The following RASGEF1C variants were observed in gnomAD, a reference collection of about 807,000 sequenced individuals.
RASGEF1C encodes the protein ras-GEF domain-containing family member 1C.
In RASGEF1C, 27 loss-of-function variants were observed where a neutral mutation model predicts 58.1. The observed-to-expected ratio is 0.46, with a 90% CI of 0.34 to 0.64. The LOEUF is 0.64. Among genes scored for constraint, RASGEF1C ranks in the 30% least tolerant of loss-of-function variants. The pLI, the probability that RASGEF1C is intolerant of heterozygous loss-of-function variation, is 0.01. For missense variants in RASGEF1C, 502 were observed against 605.1 expected (o/e 0.83, Z 1.79); for synonymous variants, 243 against 246.3 (o/e 0.99, Z 0.13).
intron 4 of RASGEF1C, 131 bp downstream of exon 4, chr5:180,136,247 A>G (rs1766469177): frequency 1.0e-6 from 1 of 959,676 alleles, no homozygotes; most frequent in Non-Finnish European, 1.5e-6. Flanking sequence ...ATAGGCCAGA[A>G]AGCGGCTGGA....
At chr5:180,195,784 A>G (rs1346433160) in intron 1 of RASGEF1C, among the ~76,000 whole-genome samples, 2 of 152,024 alleles carry the variant, frequency 1.3e-5, no homozygotes, top group South Asian at 2.1e-4. Context: ...AAAAAAAAAA[A>G]AAGAAAAGCA....
chr5:180,116,260 G>C (rs923129131), intron 10 of RASGEF1C, among the ~76,000 whole-genome samples: 3 of 151,968 alleles, frequency 2.0e-5, no homozygotes, highest in Admixed American at 1.3e-4. Context: ...TTACAGCCCC[G>C]GTCAGCTTGG....
intron 1 of RASGEF1C, among the ~76,000 whole-genome samples, chr5:180,153,565 G>T (rs149594199): frequency 6.6e-6 from 1 of 152,142 alleles, no homozygotes; most frequent in African/African-American, 2.4e-5. Flanking sequence ...CTACTCCACC[G>T]TCTTCCCTGA....
At chr5:180,170,929 G>A (rs1767099025) in intron 1 of RASGEF1C, among the ~76,000 whole-genome samples, 1 of 152,212 alleles carries the variant, frequency 6.6e-6, no homozygotes, top group East Asian at 1.9e-4. Flanking sequence ...CTTGCCCTGG[G>A]GGCCTTTCCC....
chr5:180,129,654 C>T (rs569995855), intron 4 of RASGEF1C, among the ~76,000 whole-genome samples: 1 of 152,318 alleles, frequency 6.6e-6, no homozygotes, highest in Admixed American at 6.5e-5. Flanking sequence ...CTGATGATGC[C>T]GACTGCCACC....
chr5:180,186,201 G>T (rs150665757), intron 1 of RASGEF1C, among the ~76,000 whole-genome samples: 1 of 149,910 alleles, frequency 6.7e-6, no homozygotes, highest in East Asian at 2.0e-4. Context: ...GCAAGAAGAA[G>T]AAATAAATGG....
intron 1 of RASGEF1C, among the ~76,000 whole-genome samples, chr5:180,185,216 C>T (rs533007274): frequency 6.6e-5 from 10 of 151,904 alleles, no homozygotes; most frequent in African/African-American, 2.2e-4. Context: ...GGTGTGAACC[C>T]GGGAGGCAGA....
chr5:180,170,307 C>T (rs998833688), intron 1 of RASGEF1C, among the ~76,000 whole-genome samples: 2 of 152,122 alleles, frequency 1.3e-5, no homozygotes, highest in Admixed American at 1.3e-4. Flanking sequence ...CCCATAGGGC[C>T]GCCAGCCAGG....
At chr5:180,141,338 G>T (rs1766576637) in intron 1 of RASGEF1C, among the ~76,000 whole-genome samples, 1 of 152,224 alleles carries the variant, frequency 6.6e-6, no homozygotes, top group African/African-American at 2.4e-5. Flanking sequence ...AGTGACGAAT[G>T]GATGGAGAAA....
chr5:180,135,045 A>ACC (rs59125244), intron 4 of RASGEF1C, among the ~76,000 whole-genome samples: 3,531 of 116,804 alleles, frequency 0.03, 73 homozygotes, highest in African/African-American at 0.047. Context: ...CGCTGTCCCC[A>ACC]CCCCCCCCGT....
At chr5:180,165,402 G>T (rs1343570565) in intron 1 of RASGEF1C, among the ~76,000 whole-genome samples, 6 of 151,928 alleles carry the variant, frequency 3.9e-5, no homozygotes, top group Admixed American at 3.9e-4. Context: ...GGGGGTGGTG[G>T]CTCACTCCTG....
intron 4 of RASGEF1C, among the ~76,000 whole-genome samples, chr5:180,133,008 A>T (rs904162412): frequency 1.3e-5 from 2 of 148,586 alleles, no homozygotes; most frequent in African/African-American, 5.0e-5. Flanking sequence ...GTCCTCGGAG[A>T]GGGGCTGCCT....
chr5:180,156,880 C>A lies in RASGEF1C; in HGVS notation c.-6-18822G>T, dbSNP rs1766858553. On this transcript the variant is annotated intron_variant, in intron 1 of 13. Coordinates refer to ENST00000361132, the MANE Select transcript of RASGEF1C (RefSeq NM_175062.4). The surrounding 1 kb of genome is among the most constrained non-coding windows in gnomAD (Gnocchi z 4.9). ...GACAAAGACCTTAACAGGCACCTGA[C>A]CAAAGAAGATATAAGACGGAAAATA... 6.6e-6 allele frequency among the ~76,000 whole-genome samples: 1 copy of A among 152,184 alleles called. No individual in the cohort carries two copies. The highest frequency in any genetic ancestry group is 2.4e-5 in the African/African-American group (1 of 41,440).
At chr5:180,182,204 CAAAAAAAAAAAA>C (rs1156831010) in intron 1 of RASGEF1C, among the ~76,000 whole-genome samples, 14 of 22,760 alleles carry the variant, frequency 6.2e-4, no homozygotes, top group Admixed American at 1.5e-3. Flanking sequence ...GACTCCGTCT[CAAAAAAAAAAAA>C]AAAAAAAAAA....
chr5:180,186,691 C>T (rs144032634), intron 1 of RASGEF1C, among the ~76,000 whole-genome samples: 371 of 152,242 alleles, frequency 2.4e-3, no homozygotes, highest in African/African-American at 8.1e-3. Flanking sequence ...CCTGGCCGGG[C>T]GCAGTGGCTC....
chr5:180,202,846 G>A (rs1292213367), intron 1 of RASGEF1C, among the ~76,000 whole-genome samples: 1 of 152,112 alleles, frequency 6.6e-6, no homozygotes, highest in African/African-American at 2.4e-5. Flanking sequence ...GGGATTACAG[G>A]TGCCCGCCAC....
chr5:180,182,299 T>C (rs1447545285), intron 1 of RASGEF1C, among the ~76,000 whole-genome samples: 1 of 151,138 alleles, frequency 6.6e-6, no homozygotes, highest in East Asian at 1.9e-4. Flanking sequence ...TGGAGTTTCT[T>C]CCTTCCGGTG....
chr5:180,203,654 AATG>A (rs10560231), intron 1 of RASGEF1C, among the ~76,000 whole-genome samples: 61,419 of 151,812 alleles, frequency 0.4, 12,528 homozygotes, highest in East Asian at 0.45. Flanking sequence ...CCACTAGGTC[AATG>A]ATAACTTAGT....
intron 6 of RASGEF1C, among the ~76,000 whole-genome samples, chr5:180,125,058 G>C (rs1231296287): frequency 1.3e-5 from 2 of 151,984 alleles, no homozygotes; most frequent in East Asian, 1.9e-4. Flanking sequence ...ACTTGAGCCC[G>C]GGAGGTTGAG....
Sources: gnomAD v4.1 joint callset for allele counts (sites outside exome capture counted in the v4.1 genomes callset) on GRCh38, gnomAD v4.1.1 for gene constraint, Gnocchi (gnomAD v3.1) non-coding constraint, MANE v1.5 for transcripts, NCBI Gene and HGNC (gene_info 2026-07-23, HGNC 2026-07-21) for gene names.